The following CFAP58 variants were observed in gnomAD, a reference collection of about 807,000 sequenced individuals.
The protein encoded by CFAP58 is cilia- and flagella-associated protein 58.
Under a neutral mutation model 119.5 loss-of-function variants are expected in CFAP58, and 88 were observed. That is an observed-to-expected ratio of 0.74 (90% CI 0.62 to 0.88). The LOEUF (loss-of-function observed/expected upper bound fraction) is 0.88. CFAP58 is among the 40% of genes least tolerant of loss of function. The probability of loss-of-function intolerance (pLI) is 0.00; values close to 1 mark genes in which losing one functional copy is unlikely to be tolerated. For missense variants in CFAP58, 990 were observed against 1,021.2 expected, an observed-to-expected ratio of 0.97 and a Z score of 0.42; for synonymous variants, 365 against 366.3, an observed-to-expected ratio of 1.00 and a Z score of 0.04.
intron 9 of CFAP58, chr10:104,382,244 T>C (rs989877508): frequency 1.4e-6 from 1 of 714,504 alleles, no homozygotes; most frequent in African/African-American, 1.7e-5. Context: ...CCCACTCATA[T>C]TCCACCGGCC....
chr10:104,356,020 A>G (rs2014538640), intron 1 of CFAP58, among the ~76,000 whole-genome samples: 1 of 152,250 alleles, frequency 6.6e-6, no homozygotes, highest in African/African-American at 2.4e-5. Context: ...GCTTATGTTT[A>G]GCATCAACAA....
chr10:104,442,433 C>G (rs1028638493), intron 15 of CFAP58, among the ~76,000 whole-genome samples: 1 of 151,832 alleles, frequency 6.6e-6, no homozygotes, highest in Non-Finnish European at 1.5e-5. Flanking sequence ...ACTGAAAATA[C>G]AAAAATTAGC....
chr10:104,421,449 C>G (rs779562159), intron 15 of CFAP58, among the ~76,000 whole-genome samples: 1 of 152,354 alleles, frequency 6.6e-6, no homozygotes, highest in Admixed American at 6.5e-5. Flanking sequence ...TTCTCTTGCT[C>G]TCCTAGCCTG....
rs929857939 is a variant in CFAP58 at position 104,411,811 on chromosome 10, T to C, written c.2256+5018T>C. Reference sequence around the variant, plus strand: ...CCCAGGAGAGATAGTTAGGTTTCCTTGTGGTCTTCCTGTCCCAGTGGGTAG... The same window carrying C: ...CCCAGGAGAGATAGTTAGGTTTCCTCGTGGTCTTCCTGTCCCAGTGGGTAG... On this transcript the variant is annotated intron_variant, in intron 15 of 17. Coordinates refer to ENST00000369704, the MANE Select transcript of CFAP58 (RefSeq NM_001008723.2). 2.0e-4 allele frequency among the ~76,000 whole-genome samples: 31 copies of C among 152,226 alleles called. 1 individual carries two copies. Among genetic ancestry groups the C allele is most frequent in the Admixed American group, 1.6e-3 (25 of 15,286 alleles).
chr10:104,442,710 T>TA (rs1209517710), intron 15 of CFAP58, among the ~76,000 whole-genome samples: 1 of 152,162 alleles, frequency 6.6e-6, no homozygotes. Context: ...TCTTATGAAT[T>TA]AAAAAAATGT....
chr10:104,428,111 C>T (rs941234064), intron 15 of CFAP58, among the ~76,000 whole-genome samples: 7 of 152,146 alleles, frequency 4.6e-5, no homozygotes, highest in Non-Finnish European at 8.8e-5. Context: ...TAGGATCTGG[C>T]AGTGGACTGT....
At chr10:104,378,354 G>GA (rs143979496) in intron 8 of CFAP58, among the ~76,000 whole-genome samples, 1 of 151,802 alleles carries the variant, frequency 6.6e-6, no homozygotes, top group Non-Finnish European at 1.5e-5. Flanking sequence ...CCCAATACTT[G>GA]AAAAAAAAGT....
chr10:104,338,986 G>A, the CFAP58 span, among the ~76,000 whole-genome samples: 73 of 148,454 alleles, frequency 4.9e-4, 1 homozygote, highest in Admixed American at 1.3e-4. Context: ...TCGGCTCACC[G>A]CAACCTCCGC....
intron 3 of CFAP58, 65 bp from the exon 4 acceptor site, chr10:104,364,668 G>A: frequency 6.8e-7 from 1 of 1,464,116 alleles, no homozygotes; most frequent in Non-Finnish European, 9.4e-7. Flanking sequence ...TGAACTCAGA[G>A]AATGATATGA....
At chr10:104,386,401 A>AATAC (rs2011926371) in intron 9 of CFAP58, among the ~76,000 whole-genome samples, 1 of 151,764 alleles carries the variant, frequency 6.6e-6, no homozygotes, top group Non-Finnish European at 1.5e-5. Flanking sequence ...TAAATAAATA[A>AATAC]ATAAAAATAA....
At chr10:104,404,702 C>T (rs1431162393) in intron 14 of CFAP58, among the ~76,000 whole-genome samples, 6 of 152,078 alleles carry the variant, frequency 3.9e-5, no homozygotes, top group East Asian at 3.9e-4. Flanking sequence ...CTCTGCCTCC[C>T]GGGTTCACGC....
intron 11 of CFAP58, among the ~76,000 whole-genome samples, chr10:104,398,197 G>A (rs1372086744): frequency 2.6e-5 from 4 of 152,178 alleles, no homozygotes; most frequent in African/African-American, 9.7e-5. Context: ...TTTTCACATA[G>A]GTAGATAGCA....
chr10:104,366,857 ATTTATT>A lies in CFAP58; in HGVS notation c.792+871_792+876del, dbSNP rs941687496. Among the ~76,000 whole-genome samples the A allele has an allele frequency of 1.5e-4, 23 of 151,718 alleles. No individual in the cohort carries two copies. The East Asian group carries it at 1.9e-3, about 13-fold the overall frequency. ...ATTTTTAACAGTTTTATTTTTATTT[ATTTATT>A]TTTATTTTTATTTTTATTTTTTTTG... On this transcript the variant is annotated intron_variant, in intron 5 of 17. Coordinates refer to ENST00000369704, the MANE Select transcript of CFAP58 (RefSeq NM_001008723.2).
the CFAP58 span, among the ~76,000 whole-genome samples, chr10:104,345,286 A>T: frequency 1.3e-5 from 2 of 152,154 alleles, no homozygotes; most frequent in African/African-American, 4.8e-5. Flanking sequence ...TGGGTAAGAA[A>T]AAAAAGACAT....
At chr10:104,404,667 T>C (rs1314174034) in intron 14 of CFAP58, among the ~76,000 whole-genome samples, 2 of 152,088 alleles carry the variant, frequency 1.3e-5, no homozygotes, top group African/African-American at 4.8e-5. Flanking sequence ...TGGAGTGCAG[T>C]GGCGTGATCT....
chr10:104,392,132 C>A, intron 9 of CFAP58, 101 bp from the exon 10 acceptor site: 4 of 976,044 alleles, frequency 4.1e-6, no homozygotes, highest in South Asian at 1.5e-5. Context: ...TGATTACTGG[C>A]ATCTCTACCA....
At chr10:104,374,831 T>C (rs1337264449) in intron 7 of CFAP58, among the ~76,000 whole-genome samples, 1 of 147,486 alleles carries the variant, frequency 6.8e-6, no homozygotes, top group Non-Finnish European at 1.5e-5. Flanking sequence ...TTCACAGGAT[T>C]ATTGCTTATA....
intron 15 of CFAP58, among the ~76,000 whole-genome samples, chr10:104,430,971 C>G (rs1171383106): frequency 2.0e-5 from 3 of 152,198 alleles, no homozygotes; most frequent in East Asian, 1.9e-4. Context: ...GACTACATTT[C>G]AAGTGCTTGA....
intron 16 of CFAP58, among the ~76,000 whole-genome samples, 192 bp downstream of exon 16, chr10:104,448,009 TAGAC>T (rs2013137989): frequency 1.3e-5 from 2 of 152,152 alleles, no homozygotes; most frequent in Admixed American, 6.5e-5. Flanking sequence ...CCTGGACTAT[TAGAC>T]AGCACCATTC....
Sources: allele counts gnomAD v4.1 joint callset (sites outside exome capture counted in the v4.1 genomes callset), GRCh38; gene constraint gnomAD v4.1.1; transcripts MANE v1.5; gene names NCBI Gene and HGNC (gene_info 2026-07-23, HGNC 2026-07-21).